The following CCDC97 variants were observed in gnomAD, a reference collection of about 807,000 sequenced individuals.
CCDC97 encodes coiled-coil domain-containing protein 97.
CCDC97 carries 27 observed loss-of-function variants against 33.9 expected under a neutral mutation model. The observed-to-expected ratio is 0.80, with a 90% CI of 0.59 to 1.10. CCDC97 has a LOEUF of 1.10. Ranked by LOEUF, CCDC97 falls within the 50% of genes least tolerant of loss-of-function variation. The pLI, the probability that CCDC97 is intolerant of heterozygous loss-of-function variation, is 0.00. For synonymous variants in CCDC97, 217 were observed against 194.0 expected (o/e 1.12, Z -0.99); for missense variants, 422 against 476.6 (o/e 0.89, Z 1.07).
rs374291353 is a variant in CCDC97 at position 41,320,399 on chromosome 19, C to T, written c.840C>T (p.Ile280=). ...TTCCCGACTCGGAGGAGAGGCTGAT[C>T]CTGCGAGAGGAGTTCACCAGCCGCA... The part of the protein sequence containing the change: ...AWVPDSEERL[I]LREEFTSRMH... The change falls in exon 4 of 5, where the codon ATC becomes ATT. Residue 280 remains isoleucine, a synonymous_variant. Transcript: ENST00000269967. 3.1e-6 allele frequency: 5 copies of T among 1,614,162 alleles called. No individual in the cohort carries two copies. Among genetic ancestry groups the T allele is most frequent in the Non-Finnish European group, 4.2e-6 (5 of 1,180,024 alleles).
At position 41,323,786 on chromosome 19, in the gene CCDC97, C is replaced by T. The variant is rs561305681; in HGVS notation, c.*1071C>T. 111 of 153,762 alleles carry T rather than the reference C, an allele frequency of 7.2e-4. No homozygotes were observed. The highest frequency in any genetic ancestry group is 6.6e-3 in the Middle Eastern group (2 of 304). The allele number at this position is 153,762 out of a possible 1,614,324, so 9.5% of individuals were successfully genotyped here. ...CCCCCAGCTGGCCGCAGGGCCCGCCCCATGGAGCCCCCTGCCGCCCTGGGC... is the reference window on the plus strand; with the variant it reads ...CCCCCAGCTGGCCGCAGGGCCCGCCTCATGGAGCCCCCTGCCGCCCTGGGC... On this transcript the variant is annotated 3_prime_UTR_variant, in exon 5 of 5. Transcript: ENST00000269967.
chr19:41,315,359 A>G (rs1219910885), intron 1 of CCDC97, among the ~76,000 whole-genome samples: 1 of 149,908 alleles, frequency 6.7e-6, no homozygotes, highest in East Asian at 2.0e-4. Context: ...TAATCCCAGC[A>G]CTTTGGGAGG....
At chr19:41,312,969 G>A (rs541398275) in intron 1 of CCDC97, among the ~76,000 whole-genome samples, 83 of 152,024 alleles carry the variant, frequency 5.5e-4, no homozygotes, top group South Asian at 6.2e-4. Flanking sequence ...TTGGTAGAGC[G>A]CCATGTTGGC....
chr19:41,322,805 G>A lies in CCDC97; in HGVS notation c.*90G>A. 1.4e-6 allele frequency: 2 copies of A among 1,479,362 alleles called. No individual in the cohort carries two copies. The highest frequency in any genetic ancestry group is 2.3e-5 in the East Asian group (1 of 43,104). The allele number at this position is 1,479,362 out of a possible 1,614,324, so 91.6% of individuals were successfully genotyped here. On this transcript the variant is annotated 3_prime_UTR_variant, in exon 5 of 5. Coordinates refer to ENST00000269967, the MANE Select transcript of CCDC97 (RefSeq NM_052848.3). ...TGCTCAGTGACCCTTTCTCTAGGGG[G>A]ACATCAGGGCAGTGCCCCACAACCC...
chr19:41,323,294 CTCACTCTGGGCCTCTTCTT>C lies in CCDC97; in HGVS notation c.*582_*600del, dbSNP rs1251954230. On this transcript the variant is annotated 3_prime_UTR_variant, in exon 5 of 5. Transcript: ENST00000269967. Reference sequence around the variant, plus strand: ...GTTAGGTTCCCATCTCTCCTTCTGCCTCACTCTGGGCCTCTTCTTTCTACTTGTACATTTCCACCTCTCT... The same window carrying C: ...GTTAGGTTCCCATCTCTCCTTCTGCCTCTACTTGTACATTTCCACCTCTCT... The C allele has an allele frequency of 6.5e-6, 1 of 154,374 alleles. No individual in the cohort carries two copies. Among genetic ancestry groups the C allele is most frequent in the African/African-American group, 2.4e-5 (1 of 41,454 alleles). 9.6% of individuals were successfully genotyped at this position (154,374 alleles called of 1,614,324 possible). A position where few individuals can be genotyped will look rare whatever the true frequency, so the allele number is the denominator to read the frequency against.
intron 1 of CCDC97, among the ~76,000 whole-genome samples, chr19:41,312,830 G>C (rs2037702327): frequency 6.6e-6 from 1 of 152,046 alleles, no homozygotes; most frequent in Admixed American, 6.6e-5. Flanking sequence ...CTGTTGACCA[G>C]GCTGGAGTAC....
chr19:41,317,207 A>G (rs1412433572), intron 2 of CCDC97, among the ~76,000 whole-genome samples: 2 of 152,226 alleles, frequency 1.3e-5, no homozygotes, highest in African/African-American at 4.8e-5. Flanking sequence ...AGGGGAAACC[A>G]AAAGGAGTAT....
rs2037856292 is a variant in CCDC97 at position 41,324,043 on chromosome 19, G to A, written c.*1328G>A. 6.6e-6 allele frequency: 1 copy of A among 152,444 alleles called. No individual in the cohort carries two copies. Among genetic ancestry groups the A allele is most frequent in the African/African-American group, 2.4e-5 (1 of 41,464 alleles). The allele number at this position is 152,444 out of a possible 1,614,324, so 9.4% of individuals were successfully genotyped here. A position where few individuals can be genotyped will look rare whatever the true frequency, so the allele number is the denominator to read the frequency against. On this transcript the variant is annotated 3_prime_UTR_variant, in exon 5 of 5. Coordinates refer to ENST00000269967, the MANE Select transcript of CCDC97 (RefSeq NM_052848.3). Reference sequence around the variant, plus strand: ...TATCCTGCCGTGGCCAAGCCTGAAGGACCCTCAAAACTGCCTCCTGGAGTC... The same window carrying A: ...TATCCTGCCGTGGCCAAGCCTGAAGAACCCTCAAAACTGCCTCCTGGAGTC...
chr19:41,319,454 C>T lies in CCDC97; in HGVS notation c.503-120C>T, dbSNP rs146825070. ...GTTTTCCTGTGTTTTTGAATGTGTG[C>T]ATACACACACTTGGACTGTGTATGC... is the stretch of plus-strand genomic sequence containing the variant. On this transcript the variant is annotated intron_variant, in intron 2 of 4. Transcript: ENST00000269967. 679 of 741,988 alleles carry T rather than the reference C, an allele frequency of 9.2e-4. 5 individuals are homozygous for T. The African/African-American group carries it at 9.9e-3, about 11-fold the overall frequency. The allele number at this position is 741,988 out of a possible 1,614,324, so 46.0% of individuals were successfully genotyped here.
At chr19:41,317,502 T>G (rs1232678806) in intron 2 of CCDC97, among the ~76,000 whole-genome samples, 1 of 151,280 alleles carries the variant, frequency 6.6e-6, no homozygotes, top group South Asian at 2.1e-4. Flanking sequence ...GTGGGTAGAT[T>G]ACTTGAGCTC....
rs1171236241 is a variant in CCDC97 at position 41,316,494 on chromosome 19, A to C, written c.157A>C (p.Ser53Arg). The C allele has an allele frequency of 6.2e-7, 1 of 1,614,200 alleles. No individual in the cohort carries two copies. Among genetic ancestry groups the C allele is most frequent in the African/African-American group, 1.3e-5 (1 of 75,070 alleles). Reference sequence around the variant, plus strand: ...TGAGGCAACACCAGTGGCCCTGGACAGTGACACCTCCGGGGCTGAAAATGC... The same window carrying C: ...TGAGGCAACACCAGTGGCCCTGGACCGTGACACCTCCGGGGCTGAAAATGC... ...AAEATPVALDSDTSGAENAAV... is the reference protein window; with the variant it reads ...AAEATPVALDRDTSGAENAAV... The change falls in exon 2 of 5, where the codon AGT becomes CGT. Residue 53 changes from serine to arginine, a missense_variant. Physicochemically the swap from Ser to Arg is moderately radical, Grantham distance 110 (BLOSUM62 -1). Transcript: ENST00000269967.
At chr19:41,321,717 C>T (rs1027768931) in intron 4 of CCDC97, among the ~76,000 whole-genome samples, 2 of 152,206 alleles carry the variant, frequency 1.3e-5, no homozygotes, top group Non-Finnish European at 2.9e-5. Context: ...GAGGAGCATT[C>T]CTGGCAGAGG....
chr19:41,319,299 A>C (rs1489264652), intron 2 of CCDC97, among the ~76,000 whole-genome samples: 1 of 152,236 alleles, frequency 6.6e-6, no homozygotes, highest in Non-Finnish European at 1.5e-5. Context: ...AGGTGCCTGC[A>C]TGAGTGCTTG....
In CCDC97 at chr19:41,322,976, C is replaced by T; in HGVS notation, c.*261C>T. On this transcript the variant is annotated 3_prime_UTR_variant, in exon 5 of 5. Coordinates refer to ENST00000269967, the MANE Select transcript of CCDC97 (RefSeq NM_052848.3). ...TGTCTGGGCTTCTTTCTGTCTCTTT[C>T]TGTCTTTCTGTCTCTCTCCCTACCC... The T allele has an allele frequency of 3.3e-6, 1 of 306,868 alleles. No individual in the cohort carries two copies. Among genetic ancestry groups the T allele is most frequent in the South Asian group, 4.2e-5 (1 of 24,006 alleles). 19.0% of individuals were successfully genotyped at this position (306,868 alleles called of 1,614,324 possible). A position where few individuals can be genotyped will look rare whatever the true frequency, so the allele number is the denominator to read the frequency against.
intron 1 of CCDC97, chr19:41,310,969 A>G (rs2037676507): frequency 1.5e-6 from 1 of 655,988 alleles, no homozygotes; most frequent in South Asian, 6.8e-5. Context: ...CCACTGGCCA[A>G]GAATTGGTAA....
rs1395187198 is a variant in CCDC97 at position 41,319,810 on chromosome 19, T to G, written c.739T>G (p.Cys247Gly). ...LLQQQEEEEA[C>G]LEEEEEEEDS... The stretch of plus-strand genomic sequence containing the variant: ...CCAACAGCAGGAGGAGGAGGAGGCC[T>G]GCTTGGAGGAAGAGGAAGAGGAGGA... The change falls in exon 3 of 5, where the codon TGC becomes GGC. Residue 247 changes from cysteine (C) to glycine (G), a missense_variant. Physicochemically the swap from Cys to Gly is radical, Grantham distance 159 (BLOSUM62 -3). Coordinates refer to ENST00000269967, the MANE Select transcript of CCDC97 (RefSeq NM_052848.3). 1 of 1,596,306 alleles carries G rather than the reference T, an allele frequency of 6.3e-7. No homozygotes were observed.
intron 4 of CCDC97, among the ~76,000 whole-genome samples, chr19:41,322,170 C>T (rs768000289): frequency 9.2e-5 from 14 of 152,234 alleles, no homozygotes; most frequent in South Asian, 2.1e-4. Context: ...CATAGCTCAC[C>T]GCAGCCTTGA....
intron 4 of CCDC97, 82 bp downstream of exon 4, chr19:41,320,552 T>C: frequency 6.4e-7 from 1 of 1,564,002 alleles, no homozygotes. Context: ...TAACAAGCTG[T>C]GGGGGTCTCC....
In CCDC97 at chr19:41,310,181, A is replaced by G; in HGVS notation, c.-130A>G. 2 of 1,329,252 alleles carry G rather than the reference A, an allele frequency of 1.5e-6. No homozygotes were observed. Among genetic ancestry groups the G allele is most frequent in the South Asian group, 2.6e-5 (2 of 76,732 alleles). 82.3% of individuals were successfully genotyped at this position (1,329,252 alleles called of 1,614,324 possible). A position where few individuals can be genotyped will look rare whatever the true frequency, so the allele number is the denominator to read the frequency against. On this transcript the variant is annotated 5_prime_UTR_variant, in exon 1 of 5. Transcript: ENST00000269967. ...ATGCAACGTCTGCCTTAGGCCCGGAACTTCGGTGCCTGGGCGCAGCGGTGC... is the reference window on the plus strand; with the variant it reads ...ATGCAACGTCTGCCTTAGGCCCGGAGCTTCGGTGCCTGGGCGCAGCGGTGC...
Sources: allele counts gnomAD v4.1 joint callset (sites outside exome capture counted in the v4.1 genomes callset), GRCh38; gene constraint gnomAD v4.1.1; transcripts MANE v1.5; gene names NCBI Gene and HGNC (gene_info 2026-07-23, HGNC 2026-07-21).